Variants in DNAJC10 observed in about 807,000 individuals in gnomAD.
The protein encoded by DNAJC10 is DnaJ heat shock protein family (Hsp40) member C10.
A neutral mutation model predicts 115.0 loss-of-function variants in DNAJC10; 101 were observed. The ratio of observed to expected loss-of-function variants is 0.88; its 90% CI spans 0.75 to 1.04. The LOEUF is 1.04. Ranked by LOEUF, DNAJC10 falls within the 50% of genes least tolerant of loss-of-function variation. The pLI, the probability that DNAJC10 is intolerant of heterozygous loss-of-function variation, is 0.00. For missense variants in DNAJC10, 981 were observed against 928.8 expected (o/e 1.06, Z -0.73); for synonymous variants, 307 against 301.5 (o/e 1.02, Z -0.19).
In DNAJC10 at chr2:182,778,976, A is replaced by C. The variant is rs1694778822; in HGVS notation, c.*1844A>C. On this transcript the variant is annotated 3_prime_UTR_variant, in exon 24 of 24. Transcript: ENST00000264065. ...TCTAAGACATGGTCCCCATCTTCCA[A>C]CTGTCTGTAATTCACTGTTTTGTCA... 1 of 152,190 alleles carries C rather than the reference A, an allele frequency of 6.6e-6. No homozygotes were observed. The highest frequency in any genetic ancestry group is 2.4e-5 in the African/African-American group (1 of 41,432). The allele number at this position is 152,190 out of a possible 1,614,324, so 9.4% of individuals were successfully genotyped here.
chr2:182,723,037 C>CTTT lies in DNAJC10; in HGVS notation c.418+980_418+982dup, dbSNP rs372893280. Reference sequence around the variant, plus strand: ...GTTTGTTCCTTCTAAGCAAGGGTGGCTTTTTTTTTTTTTTTTTTTTGAGAC... The same window carrying CTTT: ...GTTTGTTCCTTCTAAGCAAGGGTGGCTTTTTTTTTTTTTTTTTTTTTTTGAGAC... On this transcript the variant is annotated intron_variant, in intron 5 of 23. Transcript: ENST00000264065. Among the ~76,000 whole-genome samples the CTTT allele has an allele frequency of 1.6e-3, 173 of 105,782 alleles. 4 individuals carry two copies. The highest frequency in any genetic ancestry group is 6.3e-3 in the Middle Eastern group (1 of 158). The allele number at this position is 105,782 out of a possible 152,430, so 69.4% of individuals were successfully genotyped here.
chr2:182,762,807 T>G lies in DNAJC10; in HGVS notation c.2265+6T>G. The stretch of plus-strand genomic sequence containing the variant: ...ATTTCTACGAAAGAGCAAAGGTATG[T>G]CCAGACTTTCCTCTGTTCCTTCCCT... On this transcript the variant is annotated splice_donor_region_variant and intron_variant, in intron 22 of 23. Transcript: ENST00000264065. 6.2e-7 allele frequency: 1 copy of G among 1,610,554 alleles called. No homozygotes were observed. Among genetic ancestry groups the G allele is most frequent in the Non-Finnish European group, 8.5e-7 (1 of 1,177,714 alleles).
rs1278830180 is a variant in DNAJC10 at position 182,784,792 on chromosome 2, G to A, written c.*7660G>A. ...TCTTTTGAAAGGAACTTTCTCAAAGGATTTTTAGGGCTTCATAATTTCTTG... is the reference window on the plus strand; with the variant it reads ...TCTTTTGAAAGGAACTTTCTCAAAGAATTTTTAGGGCTTCATAATTTCTTG... On this transcript the variant is annotated 3_prime_UTR_variant, in exon 24 of 24. Transcript: ENST00000264065. The A allele has an allele frequency of 6.6e-6, 1 of 152,060 alleles. No homozygotes were observed. The highest frequency in any genetic ancestry group is 1.9e-4 in the East Asian group (1 of 5,196). The allele number at this position is 152,060 out of a possible 1,614,324, so 9.4% of individuals were successfully genotyped here. A position where few individuals can be genotyped will look rare whatever the true frequency, so the allele number is the denominator to read the frequency against.
In DNAJC10 at chr2:182,740,915, G is replaced by A. The variant is rs146024622; in HGVS notation, c.1078-328G>A. Reference sequence around the variant, plus strand: ...GATCTTTTGAAGTCTGTATCACTACGAGATCTTATGTGCTAAGCCTGAAAA... The same window carrying A: ...GATCTTTTGAAGTCTGTATCACTACAAGATCTTATGTGCTAAGCCTGAAAA... On this transcript the variant is annotated intron_variant, in intron 12 of 23. Coordinates refer to ENST00000264065, the MANE Select transcript of DNAJC10 (RefSeq NM_018981.4). 3.3e-3 allele frequency among the ~76,000 whole-genome samples: 503 copies of A among 152,088 alleles called. 1 individual carries two copies. Among genetic ancestry groups the A allele is most frequent in the Admixed American group, 5.7e-3 (87 of 15,276 alleles).
chr2:182,743,733 TA>T (rs201715091), intron 14 of DNAJC10, 21 bp downstream of exon 14: 55 of 1,502,174 alleles, frequency 3.7e-5, no homozygotes, highest in Middle Eastern at 3.5e-4. Context: ...AAAAAAATGA[TA>T]AAAAAAAACT....
In DNAJC10 at chr2:182,784,750, G is replaced by C. The variant is rs1288003009; in HGVS notation, c.*7618G>C. On this transcript the variant is annotated 3_prime_UTR_variant, in exon 24 of 24. Transcript: ENST00000264065. Reference sequence around the variant, plus strand: ...TGTAAAATTTAAGGTAGCTCTACCTGCTAAAGTAGCACCTATTCTTTTGAA... The same window carrying C: ...TGTAAAATTTAAGGTAGCTCTACCTCCTAAAGTAGCACCTATTCTTTTGAA... The C allele has an allele frequency of 6.6e-6, 1 of 152,164 alleles. No homozygotes were observed. The highest frequency in any genetic ancestry group is 1.5e-5 in the Non-Finnish European group (1 of 68,026). 9.4% of individuals were successfully genotyped at this position (152,164 alleles called of 1,614,324 possible). A position where few individuals can be genotyped will look rare whatever the true frequency, so the allele number is the denominator to read the frequency against.
At chr2:182,770,154 G>T (rs75818412) in intron 22 of DNAJC10, among the ~76,000 whole-genome samples, 2 of 152,142 alleles carry the variant, frequency 1.3e-5, no homozygotes, top group Non-Finnish European at 2.9e-5. Context: ...TGAGGGCTCT[G>T]TTCTGTTCCA....
In DNAJC10 at chr2:182,756,437, G is replaced by A; in HGVS notation, c.1777G>A (p.Val593Ile). Residue 593 changes from valine to isoleucine, a missense_variant, in exon 18 of 24, where the codon GTC (valine) becomes ATC (isoleucine). By Grantham distance (29) the Val-to-Ile change is conservative. Coordinates refer to ENST00000264065, the MANE Select transcript of DNAJC10 (RefSeq NM_018981.4). ...TTCTCCGTGGTGTCATCCTTGCCAAGTCTTAATGCCAGAATGGAAAAGAAT... is the reference window on the plus strand; with the variant it reads ...TTCTCCGTGGTGTCATCCTTGCCAAATCTTAATGCCAGAATGGAAAAGAAT... ...FYSPWCHPCQ[V>I]LMPEWKRMAR... is the part of the protein sequence containing the mutation. 1 of 1,613,896 alleles carries A rather than the reference G, an allele frequency of 6.2e-7. No individual in the cohort carries two copies. Among genetic ancestry groups the A allele is most frequent in the Non-Finnish European group, 8.5e-7 (1 of 1,179,922 alleles).
At chr2:182,745,334 T>A (rs1320713108) in intron 14 of DNAJC10, among the ~76,000 whole-genome samples, 1 of 152,238 alleles carries the variant, frequency 6.6e-6, no homozygotes, top group Non-Finnish European at 1.5e-5. Flanking sequence ...TGGATGTTTG[T>A]GAATGCCATG....
chr2:182,759,765 T>A (rs1219043576), intron 21 of DNAJC10, among the ~76,000 whole-genome samples: 2 of 152,184 alleles, frequency 1.3e-5, no homozygotes, highest in Non-Finnish European at 2.9e-5. Flanking sequence ...CTTCCCTTGA[T>A]ATACTCAGGG....
chr2:182,763,226 A>T (rs1325596398), intron 22 of DNAJC10, among the ~76,000 whole-genome samples: 1 of 152,142 alleles, frequency 6.6e-6, no homozygotes, highest in Non-Finnish European at 1.5e-5. Flanking sequence ...CTTTTTACTG[A>T]ATAAGTTTCA....
At chr2:182,755,307 G>A (rs1365967501) in intron 17 of DNAJC10, among the ~76,000 whole-genome samples, 1 of 151,706 alleles carries the variant, frequency 6.6e-6, no homozygotes, top group African/African-American at 2.4e-5. Flanking sequence ...TGTTTTATTT[G>A]TTACCTGGTA....
rs1184089035 is a variant in DNAJC10 at position 182,782,435 on chromosome 2, A to G, written c.*5303A>G. 3 of 151,820 alleles carry G rather than the reference A, an allele frequency of 2.0e-5. No homozygotes were observed. The highest frequency in any genetic ancestry group is 7.3e-5 in the African/African-American group (3 of 41,338). 9.4% of individuals were successfully genotyped at this position (151,820 alleles called of 1,614,324 possible). ...TTTGGTTCCATATGAAATTTAAAGT[A>G]GTTTTTTCCAATTCTGTGAAGAAAG... On this transcript the variant is annotated 3_prime_UTR_variant, in exon 24 of 24. Transcript: ENST00000264065.
intron 13 of DNAJC10, among the ~76,000 whole-genome samples, chr2:182,742,023 T>C (rs1034401593): frequency 2.0e-5 from 3 of 152,178 alleles, no homozygotes; most frequent in African/African-American, 7.2e-5. Flanking sequence ...AAAATCTCTA[T>C]ATCCATGTAC....
At chr2:182,739,246 A>ATG (rs1437332724) in intron 11 of DNAJC10, among the ~76,000 whole-genome samples, 11 of 147,054 alleles carry the variant, frequency 7.5e-5, no homozygotes, top group Non-Finnish European at 1.5e-4. Flanking sequence ...ATATATATAT[A>ATG]TATCTCATAT....
At chr2:182,753,397 T>C (rs181524646) in intron 16 of DNAJC10, among the ~76,000 whole-genome samples, 70 of 152,066 alleles carry the variant, frequency 4.6e-4, no homozygotes, top group Non-Finnish European at 7.1e-4. Context: ...ATCACAGAAG[T>C]TTAAGCCAGC....
intron 11 of DNAJC10, among the ~76,000 whole-genome samples, chr2:182,738,227 C>G (rs537237996): frequency 1.3e-5 from 2 of 151,978 alleles, no homozygotes; most frequent in Non-Finnish European, 2.9e-5. Flanking sequence ...TATCTTTATC[C>G]TTGTGCACTT....
Position 182,720,109 on chromosome 2 carries a change from G to C in DNAJC10, c.307G>C (p.Gly103Arg). 6.2e-7 allele frequency: 1 copy of C among 1,612,274 alleles called. No individual in the cohort carries two copies. Among genetic ancestry groups the C allele is most frequent in the South Asian group, 1.1e-5 (1 of 90,924 alleles). ...AAAGTATGACAAATATGGAGAAAAG[G>C]GACTTGAGGATAATCAAGGTGGCCA... ...RKKYDKYGEK[G>R]LEDNQGGQYE... Residue 103 changes from glycine to arginine, a missense_variant, in exon 4 of 24, where the codon GGA (glycine) becomes CGA (arginine). By Grantham distance (125) the Gly-to-Arg change is moderately radical. Coordinates refer to ENST00000264065, the MANE Select transcript of DNAJC10 (RefSeq NM_018981.4).
rs144493323 is a variant in DNAJC10 at position 182,764,066 on chromosome 2, T to C, written c.2265+1265T>C. On this transcript the variant is annotated intron_variant, in intron 22 of 23. Transcript: ENST00000264065. ...GGAAATTTGAGAAGACAAATAGTCG[T>C]GATAAGCCCCTTGCAGATGTGCTTT... Among the ~76,000 whole-genome samples the C allele has an allele frequency of 3.0e-3, 462 of 152,240 alleles. 3 individuals carry two copies. The highest frequency in any genetic ancestry group is 0.011 in the African/African-American group (449 of 41,530).
Sources: gnomAD v4.1 joint callset for allele counts (sites outside exome capture counted in the v4.1 genomes callset) on GRCh38, gnomAD v4.1.1 for gene constraint, MANE v1.5 for transcripts, NCBI Gene and HGNC (gene_info 2026-07-23, HGNC 2026-07-21) for gene names.